STMN4: variants seen among roughly 807,000 people sequenced by gnomAD.
STMN4 encodes stathmin 4, also known as stathmin-4.
In STMN4, 12 loss-of-function variants were observed where a neutral mutation model predicts 29.1. That is an observed-to-expected ratio of 0.41 (90% CI 0.26 to 0.67). The LOEUF (loss-of-function observed/expected upper bound fraction) is 0.67. Ranked by LOEUF, STMN4 falls within the 30% of genes least tolerant of loss-of-function variation. The probability of loss-of-function intolerance (pLI) is 0.30; values close to 1 mark genes in which losing one functional copy is unlikely to be tolerated. For synonymous variants in STMN4, 114 were observed against 105.3 expected (o/e 1.08, Z -0.51); for missense variants, 181 against 262.8 (o/e 0.69, Z 2.15).
At chr8:27,239,414 C>T in intron 6 of STMN4, 2 of 947,246 alleles carry the variant, frequency 2.1e-6, no homozygotes, top group South Asian at 1.7e-5. Context: ...AGAACCAACC[C>T]CGGCCTCATG....
chr8:27,237,007 C>A (rs1019063896), intron 6 of STMN4, 102 bp from the exon 7 acceptor site: 1 of 1,282,436 alleles, frequency 7.8e-7, no homozygotes, highest in Non-Finnish European at 1.1e-6. Flanking sequence ...GTGGCCACCA[C>A]AGGCAGCGAA....
intron 1 of STMN4, among the ~76,000 whole-genome samples, chr8:27,253,002 A>G (rs1055557411): frequency 6.6e-6 from 1 of 152,254 alleles, no homozygotes; most frequent in Non-Finnish European, 1.5e-5. Context: ...ACTCATTTTC[A>G]TATCAGCAGA....
At chr8:27,242,605 A>C in intron 2 of STMN4, 113 bp from the exon 3 acceptor site, 1 of 919,934 alleles carries the variant, frequency 1.1e-6, no homozygotes, top group East Asian at 2.7e-5. Context: ...CACTCAAACC[A>C]CGCAGGCACA....
At position 27,248,234 on chromosome 8, in the gene STMN4, T is replaced by C. The variant is rs769748605; in HGVS notation, c.-78-4433A>G. The stretch of plus-strand genomic sequence containing the variant: ...AGAGGACTCTATTTATTTATTTATT[T>C]ATTTATTTAGTATATAATTCTGTGC... On this transcript the variant is annotated intron_variant, in intron 1 of 6. Coordinates refer to ENST00000350889, the MANE Select transcript of STMN4 (RefSeq NM_030795.4). Among the ~76,000 whole-genome samples the C allele has an allele frequency of 7.1e-4, 108 of 152,110 alleles. 1 individual carries two copies. The highest frequency in any genetic ancestry group is 3.2e-3 in the Middle Eastern group (1 of 316).
intron 1 of STMN4, among the ~76,000 whole-genome samples, chr8:27,252,853 T>C (rs921969485): frequency 4.6e-5 from 7 of 152,218 alleles, no homozygotes; most frequent in African/African-American, 1.7e-4. Context: ...GGCAGGCAAA[T>C]ACCCCATATC....
At chr8:27,249,176 T>C (rs984904177) in intron 1 of STMN4, among the ~76,000 whole-genome samples, 20 of 151,992 alleles carry the variant, frequency 1.3e-4, no homozygotes, top group Admixed American at 1.0e-3. Flanking sequence ...GAGAGTGAAG[T>C]TGTAGGCTGT....
intron 1 of STMN4, among the ~76,000 whole-genome samples, chr8:27,254,931 G>A (rs767338601): frequency 5.4e-5 from 8 of 149,038 alleles, no homozygotes; most frequent in South Asian, 2.2e-4. Context: ...GGGAGCACTC[G>A]TGTGTGTAGG....
chr8:27,251,320 G>GTATATA (rs1801779276), intron 1 of STMN4, among the ~76,000 whole-genome samples: 2 of 132,772 alleles, frequency 1.5e-5, no homozygotes, highest in Admixed American at 7.9e-5. Context: ...ATATATATAC[G>GTATATA]TATATACGTG....
At chr8:27,240,961 T>G in intron 5 of STMN4, 93 bp downstream of exon 5, 109 of 1,276,978 alleles carry the variant, frequency 8.5e-5, no homozygotes, top group Middle Eastern at 2.6e-4. Flanking sequence ...AGATTGGTGA[T>G]GAGCTTATCC....
chr8:27,242,837 C>G (rs1004468119), intron 2 of STMN4, among the ~76,000 whole-genome samples: 1 of 152,136 alleles, frequency 6.6e-6, no homozygotes, highest in Admixed American at 6.5e-5. Context: ...CAACATCTGC[C>G]CCAGGACATT....
rs144454862 is a variant in STMN4, at chr8:27,238,538, C to T, written c.591+1433G>A. ...TCTACCGATCTCTCTGCCTCTGAAT[C>T]TACCTCCATTCTTGGGTGAGCTCAC... is the stretch of plus-strand genomic sequence containing the variant. On this transcript the variant is annotated intron_variant, in intron 6 of 6. Transcript: ENST00000350889. 7.1e-3 allele frequency among the ~76,000 whole-genome samples: 1,075 copies of T among 152,368 alleles called. 2 individuals carry two copies. Among genetic ancestry groups the T allele is most frequent in the Non-Finnish European group, 0.012 (788 of 68,032 alleles).
intron 6 of STMN4, among the ~76,000 whole-genome samples, chr8:27,238,801 T>C (rs1801383117): frequency 6.6e-6 from 1 of 152,240 alleles, no homozygotes; most frequent in African/African-American, 2.4e-5. Flanking sequence ...CTGTCCAGCT[T>C]GCCTCAGGGA....
At position 27,257,542 on chromosome 8, in the gene STMN4, C is replaced by T. The variant is rs1032644760; in HGVS notation, c.-79+809G>A. On this transcript the variant is annotated intron_variant, in intron 1 of 6. Transcript: ENST00000350889. ...TGCTCATGTTCAGGACAACAAGACTCCACCACACCTGATTGTGTCTTCCTG... is the reference window on the plus strand; with the variant it reads ...TGCTCATGTTCAGGACAACAAGACTTCACCACACCTGATTGTGTCTTCCTG... 1.3e-4 allele frequency among the ~76,000 whole-genome samples: 19 copies of T among 151,748 alleles called. 1 individual carries two copies. The highest frequency in any genetic ancestry group is 5.9e-5 in the Non-Finnish European group (4 of 67,972).
chr8:27,253,096 A>G (rs1801839151), intron 1 of STMN4, among the ~76,000 whole-genome samples: 2 of 152,208 alleles, frequency 1.3e-5, no homozygotes, highest in African/African-American at 4.8e-5. Flanking sequence ...GCAGCCATGG[A>G]GCTCTCTAGA....
intron 6 of STMN4, chr8:27,239,607 A>G (rs1801406156): frequency 8.7e-7 from 1 of 1,149,522 alleles, no homozygotes; most frequent in South Asian, 1.7e-5. Flanking sequence ...CTTTCCTTCC[A>G]TCAAATCAAT....
intron 6 of STMN4, among the ~76,000 whole-genome samples, chr8:27,238,522 C>G (rs528809134): frequency 6.6e-6 from 1 of 152,368 alleles, no homozygotes; most frequent in East Asian, 1.9e-4. Context: ...ATCTACCGAT[C>G]TCTCTGCCTC....
chr8:27,237,759 C>A (rs769273448), intron 6 of STMN4, among the ~76,000 whole-genome samples: 3 of 152,214 alleles, frequency 2.0e-5, no homozygotes, highest in South Asian at 2.1e-4. Flanking sequence ...GTTCTCTGAT[C>A]TTTAAAGAGA....
At chr8:27,237,807 G>A (rs746487229) in intron 6 of STMN4, among the ~76,000 whole-genome samples, 1 of 152,172 alleles carries the variant, frequency 6.6e-6, no homozygotes, top group Non-Finnish European at 1.5e-5. Flanking sequence ...CTCAAGTTGT[G>A]ATGTTTAGTG....
chr8:27,252,181 G>A (rs1801810180), intron 1 of STMN4, among the ~76,000 whole-genome samples: 1 of 151,986 alleles, frequency 6.6e-6, no homozygotes, highest in Non-Finnish European at 1.5e-5. Context: ...TGGTGTATAT[G>A]TGCCACATTT....
Sources: allele counts gnomAD v4.1 joint callset (sites outside exome capture counted in the v4.1 genomes callset), GRCh38; gene constraint gnomAD v4.1.1; transcripts MANE v1.5; gene names NCBI Gene and HGNC (gene_info 2026-07-23, HGNC 2026-07-21).